Variants in C1QBP observed in about 807,000 individuals in gnomAD.
C1QBP encodes complement component 1 Q subcomponent-binding protein, mitochondrial.
Under a neutral mutation model 29.4 loss-of-function variants are expected in C1QBP, and 24 were observed. The ratio of observed to expected loss-of-function variants is 0.82; its 90% CI spans 0.59 to 1.15. C1QBP has a LOEUF of 1.15. C1QBP is among the 50% of genes most tolerant of loss of function. The pLI is 0.00. For missense variants in C1QBP, 337 were observed against 355.8 expected (o/e 0.95, Z 0.43); for synonymous variants, 182 against 149.2 (o/e 1.22, Z -1.60).
At chr17:5,435,743 A>G (rs945027438) in intron 2 of C1QBP, among the ~76,000 whole-genome samples, 3 of 151,934 alleles carry the variant, frequency 2.0e-5, no homozygotes, top group Non-Finnish European at 4.4e-5. Context: ...ACAAGAGTAC[A>G]TGAAGGCTGG....
rs763919713 is a variant in C1QBP at position 5,433,756 on chromosome 17, T to A, written c.489A>T (p.Thr163=). 6.2e-7 allele frequency: 1 copy of A among 1,614,146 alleles called. No individual in the cohort carries two copies. Among genetic ancestry groups the A allele is most frequent in the Non-Finnish European group, 8.5e-7 (1 of 1,179,994 alleles). The change falls in exon 4 of 6, where the codon ACA becomes ACT. Residue 163 remains threonine, a synonymous_variant. Transcript: ENST00000225698. ...QKVEEQEPEL[T]STPNFVVEVI... is the part of the protein sequence containing the mutation. Reference sequence around the variant, plus strand: ...CTTCAACCACGAAATTGGGAGTTGATGTCAGTTCAGGCTGGGGAAACAAGA... The same window carrying A: ...CTTCAACCACGAAATTGGGAGTTGAAGTCAGTTCAGGCTGGGGAAACAAGA...
Position 5,432,992 on chromosome 17 carries a change from A to G in C1QBP, c.*23T>C, listed in dbSNP as rs749351639. 1.2e-6 allele frequency: 2 copies of G among 1,600,638 alleles called. No individual in the cohort carries two copies. Among genetic ancestry groups the G allele is most frequent in the South Asian group, 2.3e-5 (2 of 88,706 alleles). On this transcript the variant is annotated 3_prime_UTR_variant, in exon 6 of 6. Coordinates refer to ENST00000225698, the MANE Select transcript of C1QBP (RefSeq NM_001212.4). ...ACTGGCCAAAGCCTGCCATGAAACT[A>G]TGGCTTTCAGCATCTGTCTGCTCTA...
intron 3 of C1QBP, 148 bp from the exon 4 acceptor site, chr17:5,433,915 A>C: frequency 1.4e-6 from 1 of 712,340 alleles, no homozygotes; most frequent in Non-Finnish European, 2.4e-6. Flanking sequence ...TTCCCAAATG[A>C]AGAGCTTGAT....
At chr17:5,437,708 AGAT>A (rs1361374459) in intron 2 of C1QBP, among the ~76,000 whole-genome samples, 2 of 152,238 alleles carry the variant, frequency 1.3e-5, no homozygotes, top group African/African-American at 2.4e-5. Flanking sequence ...ACAGTTTAGG[AGAT>A]GATGGGGGAG....
Position 5,433,093 on chromosome 17 carries a change from C to T in C1QBP, c.771G>A (p.Val257=), listed in dbSNP as rs775057864. ...GGTGCTCCAGGGCTGTGCTGAGCTC[C>T]ACCAGCTCATCTGCAAAAGTGTTGT... The part of the protein sequence containing the change: ...GVDNTFADEL[V]ELSTALEHQE... The change falls in exon 6 of 6, where the codon GTG becomes GTA. Residue 257 remains valine (V), a synonymous_variant. Coordinates refer to ENST00000225698, the MANE Select transcript of C1QBP (RefSeq NM_001212.4). The T allele has an allele frequency of 4.3e-6, 7 of 1,614,006 alleles. No homozygotes were observed. Among genetic ancestry groups the T allele is most frequent in the Admixed American group, 3.3e-5 (2 of 59,994 alleles).
intron 3 of C1QBP, 71 bp from the exon 4 acceptor site, chr17:5,433,838 C>G (rs978719272): frequency 8.2e-6 from 11 of 1,334,522 alleles, no homozygotes; most frequent in African/African-American, 5.8e-5. Flanking sequence ...GATCTCTGTT[C>G]AGAGTGTCTG....
intron 3 of C1QBP, chr17:5,434,062 C>G: frequency 9.8e-6 from 4 of 408,410 alleles, no homozygotes; most frequent in South Asian, 7.4e-5. Flanking sequence ...TTTCCTCCAC[C>G]CGTACACTGC....
chr17:5,435,705 T>G (rs1189839709), intron 2 of C1QBP, among the ~76,000 whole-genome samples: 1 of 151,942 alleles, frequency 6.6e-6, no homozygotes, highest in Non-Finnish European at 1.5e-5. Context: ...ACTGCTGGGC[T>G]ATGCAACTCT....
chr17:5,437,574 G>C (rs1333363475), intron 2 of C1QBP, among the ~76,000 whole-genome samples: 2 of 152,218 alleles, frequency 1.3e-5, no homozygotes, highest in African/African-American at 4.8e-5. Context: ...CCGTCCCAAA[G>C]TGCTGGGATT....
chr17:5,438,468 G>T, intron 1 of C1QBP, 195 bp from the exon 2 acceptor site: 3 of 786,536 alleles, frequency 3.8e-6, no homozygotes, highest in East Asian at 2.8e-5. Flanking sequence ...CTGGAAAAGT[G>T]ATTTCCAACA....
In C1QBP at chr17:5,439,059, C is replaced by A. The variant is rs530371943; in HGVS notation, c.15G>T (p.Leu5=). The change falls in exon 1 of 6, where the codon CTG becomes CTT. Residue 5 remains leucine (L), a synonymous_variant. Coordinates refer to ENST00000225698, the MANE Select transcript of C1QBP (RefSeq NM_001212.4). ...AGCCCAGCACACGGGGCACGCAGCG[C>A]AGCAGAGGCAGCATCGCGGAAACGA... is the stretch of plus-strand genomic sequence containing the variant. The part of the protein sequence containing the change: MLPL[L]RCVPRVLGSS... 1.2e-5 allele frequency: 19 copies of A among 1,538,228 alleles called. No homozygotes were observed. Among genetic ancestry groups the A allele is most frequent in the African/African-American group, 2.8e-5 (2 of 71,124 alleles).
chr17:5,432,807 C>A lies in C1QBP; in HGVS notation c.*208G>T. The stretch of plus-strand genomic sequence containing the variant: ...GGAGATAAACCAATTTTATGTCTAT[C>A]ATGTTATACAAAAATCTAGAAATAA... On this transcript the variant is annotated 3_prime_UTR_variant, in exon 6 of 6. Coordinates refer to ENST00000225698, the MANE Select transcript of C1QBP (RefSeq NM_001212.4). 1.2e-6 allele frequency: 1 copy of A among 823,220 alleles called. No homozygotes were observed. The highest frequency in any genetic ancestry group is 1.8e-6 in the Non-Finnish European group (1 of 557,328). 51.0% of individuals were successfully genotyped at this position (823,220 alleles called of 1,614,324 possible). A position where few individuals can be genotyped will look rare whatever the true frequency, so the allele number is the denominator to read the frequency against.
At chr17:5,438,600 GATAGAATAAGACT>G in intron 1 of C1QBP, 1 of 852,326 alleles carries the variant, frequency 1.2e-6, no homozygotes, top group South Asian at 1.9e-5. Flanking sequence ...GTCCACTTTC[GATAGAATAAGACT>G]AAGGAAAAAG....
chr17:5,435,775 A>C (rs1916252080), intron 2 of C1QBP, among the ~76,000 whole-genome samples: 1 of 151,520 alleles, frequency 6.6e-6, no homozygotes, highest in African/African-American at 2.4e-5. Context: ...CACGCCTGTA[A>C]TCCCAGCACT....
In C1QBP at chr17:5,434,961, G is replaced by A. The variant is rs56014026; in HGVS notation, c.389C>T (p.Thr130Met). 0.017 allele frequency: 27,277 copies of A among 1,613,500 alleles called. 310 individuals carry two copies. Among genetic ancestry groups the A allele is most frequent in the Middle Eastern group, 0.035 (213 of 6,062 alleles). The change falls in exon 3 of 6, where the codon ACG (threonine) becomes ATG (methionine). Residue 130 changes from threonine to methionine, a missense_variant. Physicochemically the swap from Thr to Met is moderately conservative, Grantham distance 81. Coordinates refer to ENST00000225698, the MANE Select transcript of C1QBP (RefSeq NM_001212.4). Reference sequence around the variant, plus strand: ...GCTGTTGTTAATGTTGAAAGTGACCGTGATTCTAAAACGGCAAGGGAAAAC... The same window carrying A: ...GCTGTTGTTAATGTTGAAAGTGACCATGATTCTAAAACGGCAAGGGAAAAC... ...LVRKVAGEKI[T>M]VTFNINNSIP...
chr17:5,436,043 A>T (rs550799267), intron 2 of C1QBP, among the ~76,000 whole-genome samples: 2 of 66,482 alleles, frequency 3.0e-5, no homozygotes, highest in East Asian at 3.2e-3. Flanking sequence ...AGACTCTGTC[A>T]GAAAAAAAAA....
In C1QBP at chr17:5,439,104, CAA is replaced by C; in HGVS notation, c.-33_-32del. On this transcript the variant is annotated 5_prime_UTR_variant, in exon 1 of 6. Transcript: ENST00000225698. Reference sequence around the variant, plus strand: ...AAACGACTGCGAACACGTGCAGATGCAAAGGACAACCCAGGCCTAGGCGCCCC... The same window carrying C: ...AAACGACTGCGAACACGTGCAGATGCAGGACAACCCAGGCCTAGGCGCCCC... 1 of 1,539,846 alleles carries C rather than the reference CAA, an allele frequency of 6.5e-7. No individual in the cohort carries two copies. Among genetic ancestry groups the C allele is most frequent in the South Asian group, 1.2e-5 (1 of 83,810 alleles).
intron 5 of C1QBP, 38 bp from the exon 6 acceptor site, chr17:5,433,202 G>T: frequency 6.2e-7 from 1 of 1,609,158 alleles, no homozygotes; most frequent in Non-Finnish European, 8.5e-7. Flanking sequence ...AAAAAAATCT[G>T]TAATGAACAT....
At chr17:5,437,179 G>C (rs41307948) in intron 2 of C1QBP, among the ~76,000 whole-genome samples, 1,628 of 152,302 alleles carry the variant, frequency 0.011, 14 homozygotes, top group Non-Finnish European at 0.018. Flanking sequence ...GAATTAGGTA[G>C]TGATAACTGA....
Sources: allele counts gnomAD v4.1 joint callset (sites outside exome capture counted in the v4.1 genomes callset), GRCh38; gene constraint gnomAD v4.1.1; transcripts MANE v1.5; gene names NCBI Gene and HGNC (gene_info 2026-07-23, HGNC 2026-07-21).